Variants in RUNX2 observed in about 807,000 individuals in gnomAD.
RUNX2 encodes RUNX family transcription factor 2, also known as runt-related transcription factor 2.
RUNX2 carries 10 observed loss-of-function variants against 51.7 expected under a neutral mutation model. The ratio of observed to expected loss-of-function variants is 0.19; its 90% CI spans 0.12 to 0.33. RUNX2 has a LOEUF of 0.33. Ranked by LOEUF, RUNX2 falls within the 10% of genes least tolerant of loss-of-function variation. The pLI, the probability that RUNX2 is intolerant of heterozygous loss-of-function variation, is 1.00. For missense variants in RUNX2, 562 were observed against 691.3 expected, an observed-to-expected ratio of 0.81 and a Z score of 2.10; for synonymous variants, 276 against 273.6, an observed-to-expected ratio of 1.01 and a Z score of -0.09.
chr6:45,439,602 A>G (rs1798783718), intron 5 of RUNX2, among the ~76,000 whole-genome samples: 1 of 152,154 alleles, frequency 6.6e-6, no homozygotes, highest in Non-Finnish European at 1.5e-5. Context: ...TCTCTTAAAG[A>G]TATTTCCTGC....
intron 7 of RUNX2, among the ~76,000 whole-genome samples, chr6:45,532,641 C>T (rs189920278): frequency 1.3e-5 from 2 of 152,326 alleles, no homozygotes; most frequent in African/African-American, 4.8e-5. Flanking sequence ...CTGCACCTTT[C>T]CTCTTTTCAC....
At chr6:45,367,943 T>G (rs997137465) in intron 2 of RUNX2, among the ~76,000 whole-genome samples, 3 of 152,206 alleles carry the variant, frequency 2.0e-5, no homozygotes, top group African/African-American at 7.2e-5. Flanking sequence ...CCACATTGTT[T>G]GATTTAGATA....
chr6:45,485,693 G>GTATATATATATATATA (rs1257977356), intron 5 of RUNX2, among the ~76,000 whole-genome samples: 88 of 101,812 alleles, frequency 8.6e-4, no homozygotes, highest in African/African-American at 2.7e-3. Context: ...GTGTGTGTGT[G>GTATATATATATATATA]TGTGTATATA....
chr6:45,426,151 T>C (rs1207605961), intron 3 of RUNX2, among the ~76,000 whole-genome samples: 1 of 152,240 alleles, frequency 6.6e-6, no homozygotes, highest in Non-Finnish European at 1.5e-5. Flanking sequence ...TATTTTTACA[T>C]GTAAAAATGC....
chr6:45,482,061 G>A (rs16873429), intron 5 of RUNX2, among the ~76,000 whole-genome samples: 8,444 of 152,280 alleles, frequency 0.055, 615 homozygotes, highest in East Asian at 0.22. Context: ...AGCATAGTAG[G>A]TTAGAGGTGT....
chr6:45,416,597 T>C (rs1435252133), intron 2 of RUNX2, among the ~76,000 whole-genome samples: 4 of 152,246 alleles, frequency 2.6e-5, no homozygotes, highest in Non-Finnish European at 2.9e-5. Context: ...AGATCACTGC[T>C]ACTGCCATAG....
intron 2 of RUNX2, among the ~76,000 whole-genome samples, chr6:45,396,595 A>G (rs80087594): frequency 0.013 from 1,956 of 152,224 alleles, 42 homozygotes; most frequent in African/African-American, 0.045. Flanking sequence ...TTGTAGAGAC[A>G]GGGTCTCGCT....
At chr6:45,374,983 G>A (rs1032421618) in intron 2 of RUNX2, among the ~76,000 whole-genome samples, 1 of 152,210 alleles carries the variant, frequency 6.6e-6, no homozygotes, top group East Asian at 1.9e-4. Context: ...GAGGCGGGTG[G>A]AGCACTTGAG....
intron 2 of RUNX2, among the ~76,000 whole-genome samples, chr6:45,398,215 C>A (rs1005084018): frequency 6.6e-6 from 1 of 152,156 alleles, no homozygotes; most frequent in African/African-American, 2.4e-5. Flanking sequence ...GGGTTCCTCA[C>A]CTATTAACTG....
At chr6:45,449,259 G>A (rs777941891) in intron 5 of RUNX2, among the ~76,000 whole-genome samples, 1 of 152,210 alleles carries the variant, frequency 6.6e-6, no homozygotes, top group Non-Finnish European at 1.5e-5. Flanking sequence ...ACTTCACAAA[G>A]TAGCTGGGAG....
intron 2 of RUNX2, among the ~76,000 whole-genome samples, chr6:45,357,059 T>G (rs1274555074): frequency 3.3e-5 from 5 of 151,902 alleles, no homozygotes; most frequent in Admixed American, 2.0e-4. Context: ...CAGGCTGGAG[T>G]GCAGTGGCAC....
At chr6:45,341,181 A>G (rs188318039) in intron 2 of RUNX2, among the ~76,000 whole-genome samples, 218 of 152,290 alleles carry the variant, frequency 1.4e-3, no homozygotes, top group Middle Eastern at 0.014. Context: ...AAAGTTCTCA[A>G]ACAAGCCACA....
intron 5 of RUNX2, among the ~76,000 whole-genome samples, chr6:45,488,402 G>A (rs1800348359): frequency 6.6e-6 from 1 of 152,138 alleles, no homozygotes; most frequent in Admixed American, 6.5e-5. Context: ...ACATCCCAGG[G>A]TAGATGTCAA....
chr6:45,530,343 A>G (rs1377049661), intron 7 of RUNX2, among the ~76,000 whole-genome samples: 2 of 152,278 alleles, frequency 1.3e-5, no homozygotes, highest in Non-Finnish European at 2.9e-5. Flanking sequence ...TAGGTTATAT[A>G]GAAGGCGATT....
intron 2 of RUNX2, among the ~76,000 whole-genome samples, chr6:45,363,118 T>C (rs1405836464): frequency 6.6e-6 from 1 of 152,134 alleles, no homozygotes; most frequent in Non-Finnish European, 1.5e-5. Flanking sequence ...TAGTAAATAT[T>C]ATCAGCTTTA....
chr6:45,406,030 T>C (rs1036982718), intron 2 of RUNX2, among the ~76,000 whole-genome samples: 1 of 152,202 alleles, frequency 6.6e-6, no homozygotes. Context: ...AATTCGTTGG[T>C]ACATAATATA....
intron 2 of RUNX2, among the ~76,000 whole-genome samples, chr6:45,378,274 G>T (rs1043977149): frequency 6.6e-6 from 1 of 152,256 alleles, no homozygotes; most frequent in Non-Finnish European, 1.5e-5. Context: ...AATTGGGCCC[G>T]AGAGGGCTAG....
chr6:45,511,672 A>G (rs1419197599), intron 6 of RUNX2, among the ~76,000 whole-genome samples: 1 of 152,064 alleles, frequency 6.6e-6, no homozygotes, highest in African/African-American at 2.4e-5. Context: ...ACCCCATGCT[A>G]GAAAGGGCCA....
At chr6:45,340,124 A>C (rs1789448426) in intron 2 of RUNX2, among the ~76,000 whole-genome samples, 1 of 152,320 alleles carries the variant, frequency 6.6e-6, no homozygotes, top group South Asian at 2.1e-4. Context: ...GTCCTCAATC[A>C]ATTTCATCTG....
Sources: gnomAD v4.1 joint callset for allele counts (sites outside exome capture counted in the v4.1 genomes callset) on GRCh38, gnomAD v4.1.1 for gene constraint, MANE v1.5 for transcripts, NCBI Gene and HGNC (gene_info 2026-07-23, HGNC 2026-07-21) for gene names.